The following CA2 variants were observed in gnomAD, a reference collection of about 807,000 sequenced individuals.
The protein encoded by CA2 is carbonic anhydrase 2, also known as carbonate dehydratase II.
Under a neutral mutation model 27.8 loss-of-function variants are expected in CA2, and 23 were observed. The observed-to-expected ratio is 0.83, with a 90% confidence interval of 0.59 to 1.17. CA2 has a LOEUF of 1.17. Among genes scored for constraint, CA2 ranks in the 50% most tolerant of loss-of-function variants. CA2 has a pLI of 0.00. For missense variants in CA2, 300 were observed against 314.7 expected (o/e 0.95, Z 0.35); for synonymous variants, 99 against 114.9 (o/e 0.86, Z 0.88).
chr8:85,475,749 T>C lies in CA2; in HGVS notation c.445-49T>C, dbSNP rs1214643444. On this transcript the variant is annotated intron_variant, in intron 4 of 6. Transcript: ENST00000285379. ...CTACCCAAATAAAAATAAAAACTGG[T>C]ACAGTACCAACTGGGTGATAGTATC... The C allele has an allele frequency of 5.8e-6, 9 of 1,540,032 alleles. No homozygotes were observed. The Admixed American group carries it at 1.0e-4, about 17-fold the overall frequency.
intron 2 of CA2, among the ~76,000 whole-genome samples, chr8:85,468,707 C>A (rs767725230): frequency 6.6e-6 from 1 of 152,006 alleles, no homozygotes; most frequent in Non-Finnish European, 1.5e-5. Context: ...TCGCAGTGAG[C>A]CGAGACCGCA....
chr8:85,475,313 G>A (rs1012508581), intron 4 of CA2, among the ~76,000 whole-genome samples: 1 of 138,598 alleles, frequency 7.2e-6, no homozygotes, highest in African/African-American at 2.7e-5. Flanking sequence ...TGAGGTTGCA[G>A]TGAGCTATGA....
chr8:85,465,567 T>C lies in CA2; in HGVS notation c.232+98T>C. The C allele has an allele frequency of 4.1e-6, 4 of 966,622 alleles. No homozygotes were observed. The South Asian group carries it at 4.2e-5, about 10-fold the overall frequency. 59.9% of individuals were successfully genotyped at this position (966,622 alleles called of 1,614,324 possible). On this transcript the variant is annotated intron_variant, in intron 2 of 6. Transcript: ENST00000285379. ...ACAGTGGCAGGAACCCTCTTAATAA[T>C]ACAGTTTGTCTCAGGACTCAAGGAT...
chr8:85,477,009 A>G, intron 5 of CA2, 111 bp from the exon 6 acceptor site: 1 of 997,118 alleles, frequency 1.0e-6, no homozygotes, highest in Admixed American at 1.7e-5. Context: ...TTTTTTAAAA[A>G]GTGTTTTTGA....
At chr8:85,467,385 G>T (rs1811645761) in intron 2 of CA2, among the ~76,000 whole-genome samples, 1 of 152,156 alleles carries the variant, frequency 6.6e-6, no homozygotes, top group Non-Finnish European at 1.5e-5. Flanking sequence ...AGTAACAATA[G>T]TGTCTGCCAC....
intron 5 of CA2, 150 bp from the exon 6 acceptor site, chr8:85,476,970 A>G: frequency 1.6e-6 from 1 of 631,746 alleles, no homozygotes; most frequent in Non-Finnish European, 2.8e-6. Flanking sequence ...ATTTCTCTTT[A>G]TTTTGTTTGC....
rs754800975 is a variant in CA2 at position 85,465,258 on chromosome 8, C to G, written c.35-14C>G. ...TCCCCACAATGGGGGATTCACATGT[C>G]TTCTTTCCCCCAGGACCTGAGCACT... On this transcript the variant is annotated splice_polypyrimidine_tract_variant and intron_variant, in intron 1 of 6. Coordinates refer to ENST00000285379, the MANE Select transcript of CA2 (RefSeq NM_000067.3). The G allele has an allele frequency of 2.5e-6, 4 of 1,609,156 alleles. No homozygotes were observed. Among genetic ancestry groups the G allele is most frequent in the South Asian group, 1.1e-5 (1 of 90,964 alleles).
intron 2 of CA2, among the ~76,000 whole-genome samples, chr8:85,467,567 T>C (rs1811648311): frequency 3.9e-5 from 6 of 152,264 alleles, no homozygotes. Context: ...GAATAAACTT[T>C]TTCTTTAACA....
intron 2 of CA2, among the ~76,000 whole-genome samples, chr8:85,470,491 T>G (rs1281022472): frequency 6.6e-6 from 1 of 152,168 alleles, no homozygotes; most frequent in Non-Finnish European, 1.5e-5. Context: ...TGACATTCAT[T>G]ACGGTCTTTA....
At chr8:85,464,828 CCT>C (rs1015876862) in intron 1 of CA2, 8 of 172,390 alleles carry the variant, frequency 4.6e-5, no homozygotes, top group African/African-American at 1.9e-4. Flanking sequence ...AGTGGGGAAC[CCT>C]GACGGTTAAA....
chr8:85,481,467 T>C lies in CA2; in HGVS notation c.*678T>C, dbSNP rs973077160. On this transcript the variant is annotated 3_prime_UTR_variant, in exon 7 of 7. Coordinates refer to ENST00000285379, the MANE Select transcript of CA2 (RefSeq NM_000067.3). Reference sequence around the variant, plus strand: ...CTTAATAAATATTGTATTTTAGATATATTCTCTAATAAAATTCAGAATTCT... The same window carrying C: ...CTTAATAAATATTGTATTTTAGATACATTCTCTAATAAAATTCAGAATTCT... 1.3e-5 allele frequency: 2 copies of C among 152,184 alleles called. No individual in the cohort carries two copies. The highest frequency in any genetic ancestry group is 2.9e-5 in the Non-Finnish European group (2 of 68,028). The allele number at this position is 152,184 out of a possible 1,614,324, so 9.4% of individuals were successfully genotyped here.
At chr8:85,470,366 T>A (rs943388806) in intron 2 of CA2, among the ~76,000 whole-genome samples, 1 of 152,204 alleles carries the variant, frequency 6.6e-6, no homozygotes. Context: ...GAAAATGACA[T>A]GTTTTCTGTA....
rs1811607911 is a variant in CA2 at position 85,465,191 on chromosome 8, C to T, written c.35-81C>T. On this transcript the variant is annotated intron_variant, in intron 1 of 6. Transcript: ENST00000285379. ...CTAAAATTGGAACTGAGCAGATTGG[C>T]TCCGGAATGATTGCTCTTCTCTAGG... is the stretch of plus-strand genomic sequence containing the variant. The T allele has an allele frequency of 1.2e-5, 14 of 1,174,050 alleles. No homozygotes were observed. In the South Asian group the frequency reaches 1.6e-4, roughly 14 times the overall value. The allele number at this position is 1,174,050 out of a possible 1,614,324, so 72.7% of individuals were successfully genotyped here. A position where few individuals can be genotyped will look rare whatever the true frequency, so the allele number is the denominator to read the frequency against.
At chr8:85,470,147 C>T (rs753879187) in intron 2 of CA2, among the ~76,000 whole-genome samples, 1 of 152,130 alleles carries the variant, frequency 6.6e-6, no homozygotes, top group Non-Finnish European at 1.5e-5. Flanking sequence ...GTTTAAACCA[C>T]GACTTCTGTT....
At chr8:85,473,016 ATAAAT>A (rs1451646480) in intron 2 of CA2, among the ~76,000 whole-genome samples, 3 of 142,464 alleles carry the variant, frequency 2.1e-5, no homozygotes, top group Non-Finnish European at 3.1e-5. Context: ...ATAATAATAA[ATAAAT>A]AAATAAATAA....
intron 1 of CA2, chr8:85,465,018 A>G: frequency 2.1e-6 from 1 of 478,622 alleles, no homozygotes; most frequent in East Asian, 3.7e-5. Context: ...TATAGCACTC[A>G]GTGATCTAAG....
Position 85,477,112 on chromosome 8 carries a change from T to C in CA2, c.508-8T>C. ...ATAGTTTGAAGCTGCGTATTTGCCTTGTTCTAGGGCAAGAGTGCTGACTTC... is the reference window on the plus strand; with the variant it reads ...ATAGTTTGAAGCTGCGTATTTGCCTCGTTCTAGGGCAAGAGTGCTGACTTC... On this transcript the variant is annotated splice_polypyrimidine_tract_variant and splice_region_variant and intron_variant, in intron 5 of 6. Transcript: ENST00000285379. 3 of 1,614,038 alleles carry C rather than the reference T, an allele frequency of 1.9e-6. No homozygotes were observed. Among genetic ancestry groups the C allele is most frequent in the Admixed American group, 1.7e-5 (1 of 60,016 alleles).
intron 2 of CA2, among the ~76,000 whole-genome samples, chr8:85,470,990 A>G (rs1456059765): frequency 6.6e-6 from 1 of 152,146 alleles, no homozygotes; most frequent in Non-Finnish European, 1.5e-5. Context: ...AATTATTTTT[A>G]CATTAGAAAA....
intron 1 of CA2, chr8:85,465,035 AC>A (rs1811605160): frequency 5.7e-6 from 3 of 530,124 alleles, no homozygotes; most frequent in Non-Finnish European, 1.0e-5. Flanking sequence ...TAAGAGCTTT[AC>A]ATATATCGAT....
Sources: gnomAD v4.1 joint callset for allele counts (sites outside exome capture counted in the v4.1 genomes callset) on GRCh38, gnomAD v4.1.1 for gene constraint, MANE v1.5 for transcripts, NCBI Gene and HGNC (gene_info 2026-07-23, HGNC 2026-07-21) for gene names.